Variants in METTL8 observed in about 807,000 individuals in gnomAD.
METTL8 encodes methyltransferase 8, tRNA N3-cytidine, also known as tRNA N(3)-cytidine methyltransferase METTL8, mitochondrial.
METTL8 carries 32 observed loss-of-function variants against 48.7 expected under a neutral mutation model. The ratio of observed to expected loss-of-function variants is 0.66; its 90% confidence interval spans 0.50 to 0.88. The LOEUF (loss-of-function observed/expected upper bound fraction) is 0.88, where lower values mean the gene tolerates loss of function less well. METTL8 is among the 40% of genes least tolerant of loss of function. The pLI is 0.00. For synonymous variants in METTL8, 136 were observed against 157.1 expected (o/e 0.87, Z 1.01); for missense variants, 464 against 474.4 (o/e 0.98, Z 0.20).
chr2:171,328,751 A>G lies in METTL8; in HGVS notation c.860+1808T>C, dbSNP rs529161779. On this transcript the variant is annotated intron_variant, in intron 7 of 9. Coordinates refer to ENST00000375258, the MANE Select transcript of METTL8 (RefSeq NM_001321154.2). ...CTTGCCCAGGCTGGAGTGCAGTGGCATGATCTCCACACACTGCAGCCTCTG... is the reference window on the plus strand; with the variant it reads ...CTTGCCCAGGCTGGAGTGCAGTGGCGTGATCTCCACACACTGCAGCCTCTG... 7.0e-4 allele frequency among the ~76,000 whole-genome samples: 102 copies of G among 145,140 alleles called. 2 individuals carry two copies. The highest frequency in any genetic ancestry group is 1.5e-3 in the South Asian group (7 of 4,524).
intron 1 of METTL8, among the ~76,000 whole-genome samples, chr2:171,396,673 G>A (rs907611097): frequency 2.0e-5 from 3 of 152,206 alleles, no homozygotes; most frequent in East Asian, 1.9e-4. Context: ...AATAACCTAT[G>A]AGTAAAAGAA....
intron 2 of METTL8, among the ~76,000 whole-genome samples, chr2:171,383,778 T>G (rs1687793966): frequency 6.6e-6 from 1 of 152,210 alleles, no homozygotes; most frequent in South Asian, 2.1e-4. Context: ...GAAAATCGTT[T>G]CCTGTCATCA....
At chr2:171,334,061 CA>C (rs1685828053) in intron 5 of METTL8, among the ~76,000 whole-genome samples, 1 of 149,104 alleles carries the variant, frequency 6.7e-6, no homozygotes, top group Non-Finnish European at 1.5e-5. Context: ...TAAAAACTAA[CA>C]TAGTCCTCTA....
intron 2 of METTL8, among the ~76,000 whole-genome samples, chr2:171,375,448 G>A (rs574556481): frequency 1.1e-3 from 162 of 152,246 alleles, no homozygotes; most frequent in Non-Finnish European, 1.9e-3. Context: ...GAAAGTTCCA[G>A]TTCCTCTACA....
intron 1 of METTL8, among the ~76,000 whole-genome samples, chr2:171,406,112 A>G (rs1690153024): frequency 1.3e-5 from 2 of 152,218 alleles, no homozygotes; most frequent in Non-Finnish European, 2.9e-5. Context: ...CAGAGTGGAC[A>G]TGATTGAAGC....
At chr2:171,343,204 CCAGGGAGGG>C (rs1686949981) in intron 3 of METTL8, among the ~76,000 whole-genome samples, 1 of 152,120 alleles carries the variant, frequency 6.6e-6, no homozygotes, top group Non-Finnish European at 1.5e-5. Context: ...CTTTGGGAGG[CCAGGGAGGG>C]CAGATCACCT....
intron 1 of METTL8, among the ~76,000 whole-genome samples, chr2:171,419,555 G>T (rs1399915361): frequency 6.6e-6 from 1 of 152,106 alleles, no homozygotes; most frequent in African/African-American, 2.4e-5. Context: ...ACTGCCACAG[G>T]AAACTTTATC....
At chr2:171,409,378 G>GA (rs199933993) in intron 1 of METTL8, among the ~76,000 whole-genome samples, 4,710 of 150,356 alleles carry the variant, frequency 0.031, 82 homozygotes, top group East Asian at 0.051. Flanking sequence ...AACTAAAACA[G>GA]AAAAAAAAAT....
chr2:171,354,086 A>G (rs1378433065), intron 3 of METTL8, among the ~76,000 whole-genome samples: 4 of 152,064 alleles, frequency 2.6e-5, no homozygotes, highest in African/African-American at 9.7e-5. Context: ...ATGTTTTTCA[A>G]TGGCTGGTAC....
At chr2:171,352,140 C>T (rs1326008593) in intron 3 of METTL8, among the ~76,000 whole-genome samples, 1 of 152,130 alleles carries the variant, frequency 6.6e-6, no homozygotes, top group East Asian at 1.9e-4. Flanking sequence ...CCCATCAATA[C>T]CTAATTTATT....
chr2:171,338,283 C>T (rs1223649069), intron 4 of METTL8, among the ~76,000 whole-genome samples: 1 of 152,098 alleles, frequency 6.6e-6, no homozygotes, highest in Non-Finnish European at 1.5e-5. Flanking sequence ...GTGAAAACTG[C>T]TTATGATGCC....
At chr2:171,386,969 C>A (rs573336278) in intron 2 of METTL8, among the ~76,000 whole-genome samples, 9 of 152,234 alleles carry the variant, frequency 5.9e-5, no homozygotes, top group African/African-American at 2.2e-4. Context: ...AGAGCCCAGT[C>A]CACCTAGCGG....
intron 2 of METTL8, among the ~76,000 whole-genome samples, chr2:171,391,794 G>A (rs1688604010): frequency 1.3e-5 from 2 of 152,156 alleles, no homozygotes; most frequent in African/African-American, 4.8e-5. Context: ...TCAGAGGTAA[G>A]TAGGAAGGGC....
chr2:171,365,103 T>C lies in METTL8; in HGVS notation c.144-4590A>G, dbSNP rs142689629. 1.5e-3 allele frequency among the ~76,000 whole-genome samples: 236 copies of C among 152,286 alleles called. 1 individual carries two copies. Among genetic ancestry groups the C allele is most frequent in the Middle Eastern group, 6.8e-3 (2 of 294 alleles). ...TGTGTGAGACACCCATGGGGAGCCA[T>C]GGGCGGCATCTGAGGAGAAAAGTCT... On this transcript the variant is annotated intron_variant, in intron 2 of 9. Transcript: ENST00000375258.
At chr2:171,412,647 A>G (rs62183460) in intron 1 of METTL8, among the ~76,000 whole-genome samples, 46,250 of 151,794 alleles carry the variant, frequency 0.3, 7,830 homozygotes, top group East Asian at 0.64. Context: ...TAAAAGCATT[A>G]GCACCTTTGC....
intron 3 of METTL8, among the ~76,000 whole-genome samples, chr2:171,355,153 G>A (rs1178815691): frequency 1.3e-5 from 2 of 152,120 alleles, no homozygotes; most frequent in Non-Finnish European, 2.9e-5. Context: ...TTTTGGTGTG[G>A]ATGTCCTTTC....
rs764198009 is a variant in METTL8, at chr2:171,324,180, G to C, written c.1216C>G (p.Gln406Glu). The C allele has an allele frequency of 5.8e-6, 9 of 1,548,180 alleles. No homozygotes were observed. The highest frequency in any genetic ancestry group is 7.9e-6 in the Non-Finnish European group (9 of 1,145,674). ...TTAACATGTTACAAAGTTCAGTCTT[G>C]TGAAAGGAGTGTAGATACCATATTG... The part of the protein sequence containing the change: ...SSNMVSTLLS[Q>E]D The change falls in exon 10 of 10, where the codon CAA (glutamine) becomes GAA (glutamate). Residue 406 changes from glutamine to glutamate, a missense_variant. By Grantham distance (29) the Gln-to-Glu change is conservative. Transcript: ENST00000375258.
intron 2 of METTL8, among the ~76,000 whole-genome samples, chr2:171,365,345 A>G (rs1025246936): frequency 6.6e-6 from 1 of 152,202 alleles, no homozygotes; most frequent in African/African-American, 2.4e-5. Flanking sequence ...GAAACTGCCA[A>G]TGCTATACAT....
intron 1 of METTL8, among the ~76,000 whole-genome samples, chr2:171,418,904 G>A (rs907737288): frequency 7.9e-5 from 12 of 151,936 alleles, no homozygotes; most frequent in Non-Finnish European, 1.6e-4. Context: ...GCAGTGAGCC[G>A]AGATCATGCC....
Sources: gnomAD v4.1 joint callset for allele counts (sites outside exome capture counted in the v4.1 genomes callset) on GRCh38, gnomAD v4.1.1 for gene constraint, MANE v1.5 for transcripts, NCBI Gene and HGNC (gene_info 2026-07-23, HGNC 2026-07-21) for gene names.